Variants in DOCK2 observed in about 807,000 individuals in gnomAD.
The protein encoded by DOCK2 is dedicator of cytokinesis protein 2.
DOCK2 carries 87 observed loss-of-function variants against 248.9 expected under a neutral mutation model. That is an observed-to-expected ratio of 0.35 (90% CI 0.29 to 0.42). The LOEUF is 0.42. DOCK2 is among the 10% of genes least tolerant of loss of function. The pLI is 1.00. For missense variants in DOCK2, 1,747 were observed against 2,300.2 expected (o/e 0.76, Z 4.92); for synonymous variants, 805 against 821.6 (o/e 0.98, Z 0.35).
At chr5:169,941,913 TG>T (rs1187341639) in intron 27 of DOCK2, among the ~76,000 whole-genome samples, 5 of 152,198 alleles carry the variant, frequency 3.3e-5, no homozygotes, top group African/African-American at 1.2e-4. Flanking sequence ...CACCTATAAA[TG>T]TCAAGTCCCA....
chr5:169,741,487 G>C (rs1223018720), intron 22 of DOCK2, among the ~76,000 whole-genome samples: 1 of 152,186 alleles, frequency 6.6e-6, no homozygotes, highest in African/African-American at 2.4e-5. Context: ...CTTGACTCTT[G>C]TCTTAAAGTA....
intron 28 of DOCK2, among the ~76,000 whole-genome samples, chr5:169,983,382 T>G (rs907574525): frequency 1.3e-5 from 2 of 152,222 alleles, no homozygotes; most frequent in African/African-American, 4.8e-5. Flanking sequence ...ATGCTAGCTG[T>G]GTGACCATGG....
At chr5:169,757,830 A>G (rs1051958051) in intron 23 of DOCK2, among the ~76,000 whole-genome samples, 7 of 152,318 alleles carry the variant, frequency 4.6e-5, no homozygotes, top group East Asian at 1.9e-4. Context: ...ATGCTCAACC[A>G]TACTAGCCAC....
intron 6 of DOCK2, among the ~76,000 whole-genome samples, chr5:169,678,653 G>A (rs917937322): frequency 6.6e-6 from 1 of 152,190 alleles, no homozygotes; most frequent in Non-Finnish European, 1.5e-5. Context: ...TGAACGGCAG[G>A]TGATTTTGCT....
chr5:169,810,522 T>C lies in DOCK2; in HGVS notation c.2703+7316T>C, dbSNP rs571133360. Among the ~76,000 whole-genome samples, 3 of 152,288 alleles carry C rather than the reference T, an allele frequency of 2.0e-5. No homozygotes were observed. The South Asian group carries it at 6.2e-4, about 32-fold the overall frequency. ...AGCAGTTGGTTATTGTAAGGTAGCTTGAGTAGGAAAAAGGAAATGGGATGA... is the reference window on the plus strand; with the variant it reads ...AGCAGTTGGTTATTGTAAGGTAGCTCGAGTAGGAAAAAGGAAATGGGATGA... On this transcript the variant is annotated intron_variant, in intron 26 of 51. Coordinates refer to ENST00000520908, the MANE Select transcript of DOCK2 (RefSeq NM_004946.3).
chr5:169,975,449 G>C (rs1358848291), intron 27 of DOCK2, among the ~76,000 whole-genome samples: 1 of 152,152 alleles, frequency 6.6e-6, no homozygotes, highest in Non-Finnish European at 1.5e-5. Flanking sequence ...GGATCAGACT[G>C]CTGCCTGTCT....
chr5:169,891,996 A>C lies in DOCK2; in HGVS notation c.2799+51144A>C, dbSNP rs1399845987. Among the ~76,000 whole-genome samples, 13 of 116,406 alleles carry C rather than the reference A, an allele frequency of 1.1e-4. No homozygotes were observed. The South Asian group carries it at 2.1e-3, about 19-fold the overall frequency. The allele number at this position is 116,406 out of a possible 152,430, so 76.4% of individuals were successfully genotyped here. A position where few individuals can be genotyped will look rare whatever the true frequency, so the allele number is the denominator to read the frequency against. ...GGGCAACAGTGCGAGATTCCGTCCCAAAAAAAAAAAAAAAAAGAAAAAGAA... is the reference window on the plus strand; with the variant it reads ...GGGCAACAGTGCGAGATTCCGTCCCCAAAAAAAAAAAAAAAAGAAAAAGAA... On this transcript the variant is annotated intron_variant, in intron 27 of 51. Transcript: ENST00000520908.
At chr5:169,779,908 G>T (rs1454853086) in intron 25 of DOCK2, among the ~76,000 whole-genome samples, 1 of 151,984 alleles carries the variant, frequency 6.6e-6, no homozygotes, top group Non-Finnish European at 1.5e-5. Context: ...CTGTGGCCCC[G>T]TAGAGAGTGT....
At chr5:169,775,889 C>T (rs966067309) in intron 25 of DOCK2, among the ~76,000 whole-genome samples, 2 of 151,600 alleles carry the variant, frequency 1.3e-5, no homozygotes, top group Non-Finnish European at 2.9e-5. Flanking sequence ...TTCCTCCTTG[C>T]CTGATATGCT....
chr5:170,068,337 A>G (rs1446216237), intron 45 of DOCK2, among the ~76,000 whole-genome samples: 1 of 152,234 alleles, frequency 6.6e-6, no homozygotes, highest in Non-Finnish European at 1.5e-5. Context: ...TGGCATTGAA[A>G]TAGAGTAGAA....
chr5:169,721,919 G>A lies in DOCK2; in HGVS notation c.2267+3128G>A, dbSNP rs183280713. 1.9e-3 allele frequency among the ~76,000 whole-genome samples: 296 copies of A among 152,332 alleles called. 3 individuals carry two copies. Among genetic ancestry groups the A allele is most frequent in the Middle Eastern group, 6.8e-3 (2 of 294 alleles). On this transcript the variant is annotated intron_variant, in intron 22 of 51. Transcript: ENST00000520908. The stretch of plus-strand genomic sequence containing the variant: ...GTCACTAGCTCCTGAGTCAAAGTCT[G>A]GATCAAGTGTCTCTGATTAGGCACA...
At chr5:169,649,530 A>G (rs551653121) in intron 1 of DOCK2, among the ~76,000 whole-genome samples, 4 of 152,350 alleles carry the variant, frequency 2.6e-5, no homozygotes, top group East Asian at 1.9e-4. Context: ...TCAGTGGTCA[A>G]CAAGATAGGC....
chr5:169,937,423 T>C (rs1014544603), intron 27 of DOCK2, among the ~76,000 whole-genome samples: 2 of 152,220 alleles, frequency 1.3e-5, no homozygotes, highest in Admixed American at 6.5e-5. Context: ...ATAGGGATGA[T>C]ACAAAGACTA....
intron 29 of DOCK2, among the ~76,000 whole-genome samples, chr5:169,991,455 C>G (rs532985996): frequency 5.9e-5 from 9 of 152,244 alleles, no homozygotes; most frequent in Non-Finnish European, 5.9e-5. Context: ...AATCATCTGC[C>G]CATGGCTTCT....
At chr5:169,641,849 A>G (rs187707354) in intron 1 of DOCK2, among the ~76,000 whole-genome samples, 2 of 152,326 alleles carry the variant, frequency 1.3e-5, no homozygotes, top group Admixed American at 1.3e-4. Flanking sequence ...CATCCACTGA[A>G]TCTTCTCTGT....
intron 22 of DOCK2, among the ~76,000 whole-genome samples, chr5:169,745,627 A>G (rs536647119): frequency 2.6e-5 from 4 of 152,308 alleles, no homozygotes; most frequent in Admixed American, 2.6e-4. Flanking sequence ...GTTTTCTGGC[A>G]TGTTGCGTGA....
At chr5:169,849,601 GA>G (rs1770514463) in intron 27 of DOCK2, among the ~76,000 whole-genome samples, 1 of 152,234 alleles carries the variant, frequency 6.6e-6, no homozygotes, top group South Asian at 2.1e-4. Context: ...ATATGTTTAG[GA>G]TTGATCTCCT....
chr5:170,032,086 G>A (rs1756159593), intron 34 of DOCK2, among the ~76,000 whole-genome samples: 1 of 151,588 alleles, frequency 6.6e-6, no homozygotes, highest in Non-Finnish European at 1.5e-5. Context: ...GAGTGCAGTG[G>A]CGCGATCTCG....
chr5:169,709,026 G>T (rs77846918), intron 15 of DOCK2, among the ~76,000 whole-genome samples: 6,950 of 152,310 alleles, frequency 0.046, 215 homozygotes, highest in South Asian at 0.11. Context: ...TGTAAAATGG[G>T]AGCAATAGGT....
Sources: gnomAD v4.1 joint callset for allele counts (sites outside exome capture counted in the v4.1 genomes callset) on GRCh38, gnomAD v4.1.1 for gene constraint, MANE v1.5 for transcripts, NCBI Gene and HGNC (gene_info 2026-07-23, HGNC 2026-07-21) for gene names.